The following TMTC1 variants were observed in gnomAD, a reference collection of about 807,000 sequenced individuals.
TMTC1 encodes transmembrane O-mannosyltransferase targeting cadherins 1, also known as protein O-mannosyl-transferase TMTC1.
TMTC1 carries 73 observed loss-of-function variants against 104.8 expected under a neutral mutation model. That is an observed-to-expected ratio of 0.70 (90% CI 0.58 to 0.85). The LOEUF is 0.85. Among genes scored for constraint, TMTC1 ranks in the 40% least tolerant of loss-of-function variants. The pLI is 0.00. For synonymous variants in TMTC1, 434 were observed against 428.7 expected, an observed-to-expected ratio of 1.01 and a Z score of -0.15; for missense variants, 1,035 against 1,096.1, an observed-to-expected ratio of 0.94 and a Z score of 0.79.
chr12:29,698,210 AC>A (rs1941481050), intron 5 of TMTC1, among the ~76,000 whole-genome samples: 1 of 152,180 alleles, frequency 6.6e-6, no homozygotes, highest in Non-Finnish European at 1.5e-5. Flanking sequence ...AGATTTCGTC[AC>A]CAGGTATTGT....
In TMTC1 at chr12:29,783,722, G is replaced by T; in HGVS notation, c.30C>A (p.Gly10=). The change falls in exon 1 of 18, where the codon GGC becomes GGA. Residue 10 remains glycine (G), a synonymous_variant. Transcript: ENST00000539277. This position sits in a 1 kb window ranked among gnomAD's most constrained non-coding sequence, Gnocchi z 4.7. ...GCCGGGAGGGTGTGCGGTCCCCGCCGCCGCCTCGGGCAGAGGTGGTCACCA... is the reference window on the plus strand; with the variant it reads ...GCCGGGAGGGTGTGCGGTCCCCGCCTCCGCCTCGGGCAGAGGTGGTCACCA... The part of the protein sequence containing the change: MVVTTSARG[G]GGDRTPSRRR... 2 of 1,209,194 alleles carry T rather than the reference G, an allele frequency of 1.7e-6. No homozygotes were observed. Among genetic ancestry groups the T allele is most frequent in the Non-Finnish European group, 2.0e-6 (2 of 977,924 alleles). The allele number at this position is 1,209,194 out of a possible 1,614,324, so 74.9% of individuals were successfully genotyped here. A position where few individuals can be genotyped will look rare whatever the true frequency, so the allele number is the denominator to read the frequency against.
intron 1 of TMTC1, among the ~76,000 whole-genome samples, chr12:29,770,828 G>C (rs1391871463): frequency 2.0e-5 from 3 of 152,170 alleles, no homozygotes; most frequent in South Asian, 2.1e-4. Flanking sequence ...TATTCTACGT[G>C]TGATCACAGA....
At chr12:29,727,569 GT>G (rs1413541998) in intron 5 of TMTC1, among the ~76,000 whole-genome samples, 5 of 151,832 alleles carry the variant, frequency 3.3e-5, no homozygotes, top group Non-Finnish European at 7.4e-5. Flanking sequence ...GTAGAGACGG[GT>G]TTTCACTGTG....
chr12:29,744,888 TGACA>T (rs1258477499), intron 5 of TMTC1, among the ~76,000 whole-genome samples: 2 of 152,194 alleles, frequency 1.3e-5, no homozygotes, highest in Non-Finnish European at 2.9e-5. Flanking sequence ...TAACACTAAC[TGACA>T]AAGTTTATTT....
At chr12:29,641,828 C>T (rs192342344) in intron 5 of TMTC1, among the ~76,000 whole-genome samples, 1 of 152,072 alleles carries the variant, frequency 6.6e-6, no homozygotes, top group East Asian at 1.9e-4. Flanking sequence ...AAGCCCAATG[C>T]AAGGAAATCC....
At position 29,702,029 on chromosome 12, in the gene TMTC1, C is replaced by T. The variant is rs142076467; in HGVS notation, c.938+49637G>A. 4.6e-5 allele frequency among the ~76,000 whole-genome samples: 7 copies of T among 152,194 alleles called. 1 individual carries two copies. The highest frequency in any genetic ancestry group is 1.7e-4 in the African/African-American group (7 of 41,510). ...CTGAGTTAACTATTTTAGTCAAATC[C>T]ACTTTGAAAATAATATGCTAGAATA... On this transcript the variant is annotated intron_variant, in intron 5 of 17. Transcript: ENST00000539277.
At chr12:29,677,776 C>T (rs112133883) in intron 5 of TMTC1, among the ~76,000 whole-genome samples, 1,914 of 152,274 alleles carry the variant, frequency 0.013, 36 homozygotes, top group African/African-American at 0.044. Flanking sequence ...GATCGACTGC[C>T]GCAGCATCAC....
chr12:29,617,233 G>A (rs1285601253), intron 6 of TMTC1, among the ~76,000 whole-genome samples: 4 of 151,988 alleles, frequency 2.6e-5, no homozygotes, highest in Non-Finnish European at 5.9e-5. Flanking sequence ...CAAAGTACAA[G>A]GAGCAGGCAG....
At chr12:29,547,641 G>T (rs1422581627) in intron 10 of TMTC1, among the ~76,000 whole-genome samples, 1 of 152,188 alleles carries the variant, frequency 6.6e-6, no homozygotes, top group African/African-American at 2.4e-5. Flanking sequence ...TGGCAGGTTA[G>T]TATTTCTCAT....
chr12:29,545,629 T>TCACACACACACACA lies in TMTC1; in HGVS notation c.1677-9326_1677-9313dup, dbSNP rs55958433. On this transcript the variant is annotated intron_variant, in intron 10 of 17. Transcript: ENST00000539277. ...GTCTGGGCAACAGAGCAAGACTCTG[T>TCACACACACACACA]CACACACACACACACACACACACAC... 3.3e-3 allele frequency among the ~76,000 whole-genome samples: 240 copies of TCACACACACACACA among 73,566 alleles called. 4 individuals carry two copies. The highest frequency in any genetic ancestry group is 0.013 in the African/African-American group (221 of 17,514). 48.3% of individuals were successfully genotyped at this position (73,566 alleles called of 152,430 possible).
intron 5 of TMTC1, among the ~76,000 whole-genome samples, chr12:29,683,503 C>A (rs1166068437): frequency 1.3e-5 from 2 of 152,174 alleles, no homozygotes; most frequent in African/African-American, 2.4e-5. Flanking sequence ...CTACATAAGC[C>A]TCAACGCAAA....
intron 5 of TMTC1, among the ~76,000 whole-genome samples, chr12:29,703,683 G>C (rs1227930218): frequency 6.6e-6 from 1 of 152,128 alleles, no homozygotes; most frequent in African/African-American, 2.4e-5. Flanking sequence ...ACATCATCCA[G>C]TTCCACCCCC....
chr12:29,578,765 C>G (rs909529121), intron 8 of TMTC1, among the ~76,000 whole-genome samples: 1 of 152,132 alleles, frequency 6.6e-6, no homozygotes, highest in Admixed American at 6.6e-5. Flanking sequence ...CCCCAAATTC[C>G]TAATTGCAGA....
At chr12:29,556,370 C>T (rs151193262) in intron 10 of TMTC1, among the ~76,000 whole-genome samples, 2 of 152,268 alleles carry the variant, frequency 1.3e-5, no homozygotes. Flanking sequence ...GTATGGTTAA[C>T]CATTTGTCTA....
chr12:29,743,517 G>T (rs968350888), intron 5 of TMTC1, among the ~76,000 whole-genome samples: 1 of 146,048 alleles, frequency 6.8e-6, no homozygotes, highest in Non-Finnish European at 1.5e-5. Context: ...TTCAATTTTT[G>T]AAAAAAAAAA....
intron 7 of TMTC1, among the ~76,000 whole-genome samples, chr12:29,602,016 A>C (rs1946580082): frequency 6.6e-6 from 1 of 151,738 alleles, no homozygotes; most frequent in East Asian, 1.9e-4. Context: ...TTGTATTTTT[A>C]GTAAAGACGG....
chr12:29,726,166 G>A (rs959828277), intron 5 of TMTC1, among the ~76,000 whole-genome samples: 17 of 152,180 alleles, frequency 1.1e-4, no homozygotes, highest in Admixed American at 1.3e-4. Flanking sequence ...ACCACCCTGC[G>A]CTGCTAGGCT....
intron 6 of TMTC1, among the ~76,000 whole-genome samples, chr12:29,609,246 G>A (rs1387806894): frequency 6.6e-6 from 1 of 152,142 alleles, no homozygotes; most frequent in Non-Finnish European, 1.5e-5. Flanking sequence ...GGCAGCCCTA[G>A]GATCTAGCTG....
At chr12:29,731,330 T>C (rs1942540097) in intron 5 of TMTC1, among the ~76,000 whole-genome samples, 1 of 152,174 alleles carries the variant, frequency 6.6e-6, no homozygotes. Context: ...CTAATTTCTG[T>C]ATCTTTAGTA....
Sources: gnomAD v4.1 joint callset for allele counts (sites outside exome capture counted in the v4.1 genomes callset) on GRCh38, gnomAD v4.1.1 for gene constraint, Gnocchi (gnomAD v3.1) non-coding constraint, MANE v1.5 for transcripts, NCBI Gene and HGNC (gene_info 2026-07-23, HGNC 2026-07-21) for gene names.